TEC: variants seen among roughly 807,000 people sequenced by gnomAD.
TEC encodes tyrosine-protein kinase Tec.
Under a neutral mutation model 93.0 loss-of-function variants are expected in TEC, and 72 were observed. That is an observed-to-expected ratio of 0.77 (90% CI 0.64 to 0.94). The LOEUF is 0.94. TEC is among the 40% of genes least tolerant of loss of function. TEC has a pLI of 0.00. For synonymous variants in TEC, 249 were observed against 247.7 expected, an observed-to-expected ratio of 1.01 and a Z score of -0.05; for missense variants, 630 against 757.9, an observed-to-expected ratio of 0.83 and a Z score of 1.98.
At chr4:48,196,767 T>C (rs533169252) in intron 2 of TEC, among the ~76,000 whole-genome samples, 1 of 152,338 alleles carries the variant, frequency 6.6e-6, no homozygotes, top group Non-Finnish European at 1.5e-5. Flanking sequence ...AAACGACCAG[T>C]GTCTACCAAC....
At chr4:48,262,015 G>A (rs1245371152) in intron 1 of TEC, among the ~76,000 whole-genome samples, 1 of 151,914 alleles carries the variant, frequency 6.6e-6, no homozygotes, top group South Asian at 2.1e-4. Context: ...AATGTATGTT[G>A]TCCTTTCAAG....
rs182773126 is a variant in TEC at position 48,261,093 on chromosome 4, G to A, written c.-46+8659C>T. On this transcript the variant is annotated intron_variant, in intron 1 of 17. Transcript: ENST00000381501. ...TTTTGCCTGGGGGAAGCAAGATGGTGTGTCAACAGCTCTGAGCCTAAAAAA... is the reference window on the plus strand; with the variant it reads ...TTTTGCCTGGGGGAAGCAAGATGGTATGTCAACAGCTCTGAGCCTAAAAAA... 6.9e-4 allele frequency among the ~76,000 whole-genome samples: 105 copies of A among 152,318 alleles called. No homozygotes were observed. In the East Asian group the frequency reaches 0.014, roughly 20 times the overall value.
intron 1 of TEC, among the ~76,000 whole-genome samples, chr4:48,242,056 G>T (rs12644842): frequency 6.6e-6 from 1 of 152,170 alleles, no homozygotes; most frequent in East Asian, 1.9e-4. Context: ...ATCTATTAAG[G>T]ACTTTAAAAG....
At chr4:48,242,779 C>G (rs1723954277) in intron 1 of TEC, among the ~76,000 whole-genome samples, 1 of 152,154 alleles carries the variant, frequency 6.6e-6, no homozygotes, top group African/African-American at 2.4e-5. Flanking sequence ...ATGCTCTTGT[C>G]TCTTTAATAT....
intron 1 of TEC, among the ~76,000 whole-genome samples, chr4:48,262,025 G>C (rs9291322): frequency 0.44 from 66,173 of 151,600 alleles, 14,700 homozygotes; most frequent in Middle Eastern, 0.52. Flanking sequence ...GTCCTTTCAA[G>C]AATGTTTTCA....
chr4:48,224,689 A>C (rs1723384600), intron 2 of TEC, among the ~76,000 whole-genome samples: 1 of 152,242 alleles, frequency 6.6e-6, no homozygotes, highest in Non-Finnish European at 1.5e-5. Context: ...CCACAGCGGA[A>C]ACTGAAATGC....
intron 1 of TEC, among the ~76,000 whole-genome samples, chr4:48,263,436 C>T (rs1186380785): frequency 1.3e-5 from 2 of 152,042 alleles, no homozygotes; most frequent in African/African-American, 4.8e-5. Context: ...GAACAATAGG[C>T]CAGGCGGTGG....
intron 8 of TEC, among the ~76,000 whole-genome samples, chr4:48,157,663 G>C (rs976921418): frequency 1.3e-5 from 2 of 152,166 alleles, no homozygotes; most frequent in African/African-American, 4.8e-5. Context: ...TTATAGGCAT[G>C]CGCCACCACA....
At chr4:48,150,615 T>C (rs1183482365) in intron 10 of TEC, among the ~76,000 whole-genome samples, 1 of 152,242 alleles carries the variant, frequency 6.6e-6, no homozygotes, top group African/African-American at 2.4e-5. Context: ...CAGTTCACTA[T>C]AAATGTTTGT....
Position 48,268,506 on chromosome 4 carries a change from T to G in TEC, c.-46+1246A>C, listed in dbSNP as rs183041239. ...AAATGTAACTAAACTAAAAAATACTTTCAAATACATAATGTGAAAGTTACC... is the reference window on the plus strand; with the variant it reads ...AAATGTAACTAAACTAAAAAATACTGTCAAATACATAATGTGAAAGTTACC... On this transcript the variant is annotated intron_variant, in intron 1 of 17. Transcript: ENST00000381501. Among the ~76,000 whole-genome samples, 3 of 152,358 alleles carry G rather than the reference T, an allele frequency of 2.0e-5. No individual in the cohort carries two copies. In the East Asian group the frequency reaches 5.8e-4, roughly 29 times the overall value.
intron 8 of TEC, among the ~76,000 whole-genome samples, chr4:48,162,808 C>T (rs773110397): frequency 1.2e-4 from 18 of 152,182 alleles, no homozygotes; most frequent in Non-Finnish European, 2.1e-4. Context: ...CAATACACCA[C>T]CTCAGAATGA....
intron 8 of TEC, 70 bp from the exon 9 acceptor site, chr4:48,156,804 TAAAG>T: frequency 6.3e-6 from 8 of 1,278,126 alleles, no homozygotes; most frequent in Non-Finnish European, 8.7e-6. Flanking sequence ...TCAGAATTAA[TAAAG>T]TAATTCTGCT....
At chr4:48,181,647 T>C (rs1266358227) in intron 2 of TEC, among the ~76,000 whole-genome samples, 5 of 143,522 alleles carry the variant, frequency 3.5e-5, no homozygotes, top group Non-Finnish European at 7.5e-5. Flanking sequence ...CATTCCAGCC[T>C]GGGCAACAGA....
intron 1 of TEC, among the ~76,000 whole-genome samples, chr4:48,249,431 C>A (rs753879543): frequency 6.6e-6 from 1 of 152,226 alleles, no homozygotes; most frequent in Non-Finnish European, 1.5e-5. Flanking sequence ...TTAAGATACA[C>A]TCTCCAGTAT....
chr4:48,160,909 A>G (rs1577710443), intron 8 of TEC, among the ~76,000 whole-genome samples: 1 of 141,456 alleles, frequency 7.1e-6, no homozygotes, highest in East Asian at 2.3e-4. Context: ...GGATTTAAAA[A>G]AAAAAAGCAT....
At chr4:48,177,481 T>C (rs532386089) in intron 2 of TEC, among the ~76,000 whole-genome samples, 1 of 152,040 alleles carries the variant, frequency 6.6e-6, no homozygotes, top group Non-Finnish European at 1.5e-5. Flanking sequence ...AGCTTTGGGG[T>C]CCCCACCCCA....
intron 1 of TEC, among the ~76,000 whole-genome samples, chr4:48,246,763 T>C (rs1161586346): frequency 1.3e-5 from 2 of 152,074 alleles, no homozygotes; most frequent in African/African-American, 4.8e-5. Context: ...TCAAAATGGA[T>C]CAAAGATTTA....
chr4:48,217,745 G>A (rs1211161592), intron 2 of TEC, among the ~76,000 whole-genome samples: 2 of 152,114 alleles, frequency 1.3e-5, no homozygotes, highest in South Asian at 2.1e-4. Context: ...GGGCTGGAGG[G>A]GCAGGGAGGG....
chr4:48,204,207 C>T (rs764555173), intron 2 of TEC, among the ~76,000 whole-genome samples: 8 of 152,192 alleles, frequency 5.3e-5, no homozygotes, highest in East Asian at 3.9e-4. Context: ...GGGGTCTTAA[C>T]GGTTTATACA....
Sources: gnomAD v4.1 joint callset for allele counts (sites outside exome capture counted in the v4.1 genomes callset) on GRCh38, gnomAD v4.1.1 for gene constraint, MANE v1.5 for transcripts, NCBI Gene and HGNC (gene_info 2026-07-23, HGNC 2026-07-21) for gene names.